The following HEPH variants were observed in gnomAD, a reference collection of about 807,000 sequenced individuals.
The protein encoded by HEPH is hephaestin.
HEPH carries 69 observed loss-of-function variants against 80.8 expected under a neutral mutation model. That is an observed-to-expected ratio of 0.85 (90% confidence interval 0.70 to 1.04). The LOEUF (loss-of-function observed/expected upper bound fraction) is 1.04. Among genes scored for constraint, HEPH ranks in the 50% least tolerant of loss-of-function variants. HEPH has a pLI of 0.00. For synonymous variants in HEPH, 431 were observed against 322.8 expected, an observed-to-expected ratio of 1.34 and a Z score of -3.60; for missense variants, 1,115 against 891.3, an observed-to-expected ratio of 1.25 and a Z score of -3.20.
Position 66,260,257 on chromosome X carries a change from G to A in HEPH, c.3194G>A (p.Arg1065Gln), listed in dbSNP as rs187860440. The A allele has an allele frequency of 1.7e-4, 202 of 1,199,817 alleles. No homozygotes were observed. The highest frequency in any genetic ancestry group is 2.2e-4 in the Non-Finnish European group (199 of 887,581). ...GMETLFTVFS[R>Q]TEHLSPLTVI... ...GAGACCCTCTTCACTGTTTTTTCTC[G>A]AACAGGTAAGTCCTAACTTCCCCAA... Residue 1065 changes from arginine (R) to glutamine (Q), a missense_variant, in exon 19 of 21, where the codon CGA (arginine) becomes CAA (glutamine). This residue lies in a region of HEPH where 716 missense variants were observed against 523.5 expected (regional missense o/e 1.37). Transcript: ENST00000343002.
At position 66,174,498 on chromosome X, in the gene HEPH, T is replaced by C. The variant is rs183879923; in HGVS notation, c.625+697T>C. Among the ~76,000 whole-genome samples, 8 of 112,090 alleles carry C rather than the reference T, an allele frequency of 7.1e-5. No individual in the cohort carries two copies. In the East Asian group the frequency reaches 2.2e-3, roughly 31 times the overall value. ...ATGTGCAAGTATCTTTTTTGTATAA[T>C]GACTTCTTTTCCTCTGGGTAGATGC... On this transcript the variant is annotated intron_variant, in intron 4 of 20. Coordinates refer to ENST00000343002, the MANE Select transcript of HEPH (RefSeq NM_001367233.3).
intron 11 of HEPH, among the ~76,000 whole-genome samples, chrX:66,199,411 G>A (rs1376471380): frequency 9.2e-6 from 1 of 108,484 alleles, no homozygotes; most frequent in African/African-American, 3.4e-5. Context: ...TTGTGAACAT[G>A]CTGATTTCAT....
Position 66,180,511 on chromosome X carries a change from C to T in HEPH, c.625+6710C>T, listed in dbSNP as rs146143079. Among the ~76,000 whole-genome samples, 752 of 110,336 alleles carry T rather than the reference C, an allele frequency of 6.8e-3. 6 individuals are homozygous for T. Among genetic ancestry groups the T allele is most frequent in the Middle Eastern group, 0.014 (3 of 214 alleles). On this transcript the variant is annotated intron_variant, in intron 4 of 20. Transcript: ENST00000343002. ...TGATAGGTTTTCCTTTATAGGTGAC[C>T]TGGTGTTTTTGTCTCACAGCTCTTA...
Position 66,265,359 on chromosome X carries a change from A to C in HEPH, c.3245-1081A>C, listed in dbSNP as rs374711753. The stretch of plus-strand genomic sequence containing the variant: ...GTGTGCTGTACAAAAAGGGCAAGCA[A>C]TAATAACAGTTAACATGTATTGGGT... On this transcript the variant is annotated intron_variant, in intron 20 of 20. Transcript: ENST00000343002. 1.4e-4 allele frequency among the ~76,000 whole-genome samples: 15 copies of C among 111,099 alleles called. No homozygotes were observed. In the South Asian group the frequency reaches 5.4e-3, roughly 40 times the overall value.
intron 19 of HEPH, among the ~76,000 whole-genome samples, chrX:66,261,300 C>CT (rs895880381): frequency 8.9e-6 from 1 of 111,849 alleles, no homozygotes; most frequent in Admixed American, 9.5e-5. Flanking sequence ...GTGGAAACAA[C>CT]TTTTTCTTTA....
intron 15 of HEPH, among the ~76,000 whole-genome samples, chrX:66,233,309 C>A (rs2090231283): frequency 9.0e-6 from 1 of 111,599 alleles, no homozygotes; most frequent in African/African-American, 3.3e-5. Context: ...GCATCCATCA[C>A]TGCCTTACCA....
Position 66,263,640 on chromosome X carries a change from C to T in HEPH, c.3200-4C>T. ...AACCTCTTGTCTTTTTTCCCCCCAACCAGAACACTTAAGCCCTCTCACCGT... is the reference window on the plus strand; with the variant it reads ...AACCTCTTGTCTTTTTTCCCCCCAATCAGAACACTTAAGCCCTCTCACCGT... On this transcript the variant is annotated splice_polypyrimidine_tract_variant and splice_region_variant and intron_variant, in intron 19 of 20. Coordinates refer to ENST00000343002, the MANE Select transcript of HEPH (RefSeq NM_001367233.3). 1.7e-6 allele frequency: 2 copies of T among 1,209,896 alleles called. No homozygotes were observed. The highest frequency in any genetic ancestry group is 1.8e-5 in the South Asian group (1 of 56,870).
intron 6 of HEPH, 53 bp from the exon 7 acceptor site, chrX:66,192,077 G>T (rs1306719298): frequency 1.8e-6 from 2 of 1,124,660 alleles, no homozygotes; most frequent in African/African-American, 3.6e-5. Flanking sequence ...TGAGTCCTCT[G>T]GGTTAAAATC....
At chrX:66,223,493 C>T (rs140146292) in intron 15 of HEPH, among the ~76,000 whole-genome samples, 4,220 of 111,042 alleles carry the variant, frequency 0.038, 92 homozygotes, top group Middle Eastern at 0.085. Context: ...ACTTTGTATA[C>T]GTATTTATTC....
rs2087586184 is a variant in HEPH, at chrX:66,188,225, G to T, written c.626-134G>T. 6 of 482,848 alleles carry T rather than the reference G, an allele frequency of 1.2e-5. No homozygotes were observed. In the Admixed American group the frequency reaches 1.3e-4, roughly 10 times the overall value. 39.8% of individuals were successfully genotyped at this position (482,848 alleles called of 1,213,427 possible). The stretch of plus-strand genomic sequence containing the variant: ...TGGAAATGGAAATTAATCTAAGAGG[G>T]TTATTTCTGCTTTTCTGTTGCTTAC... On this transcript the variant is annotated intron_variant, in intron 4 of 20. Coordinates refer to ENST00000343002, the MANE Select transcript of HEPH (RefSeq NM_001367233.3).
intron 15 of HEPH, among the ~76,000 whole-genome samples, chrX:66,227,570 G>A (rs948514364): frequency 8.9e-6 from 1 of 112,063 alleles, no homozygotes; most frequent in East Asian, 2.8e-4. Flanking sequence ...AATGAATTCA[G>A]CAAAGTTTCA....
At chrX:66,220,999 CT>C (rs2089621428) in intron 15 of HEPH, among the ~76,000 whole-genome samples, 1 of 111,714 alleles carries the variant, frequency 9.0e-6, no homozygotes, top group Non-Finnish European at 1.9e-5. Context: ...GATGTATACA[CT>C]GGGAACAGTC....
intron 15 of HEPH, among the ~76,000 whole-genome samples, chrX:66,244,685 G>T (rs760578362): frequency 1.8e-5 from 2 of 111,310 alleles, no homozygotes. Flanking sequence ...TAAGAACCAT[G>T]GCTGGATAAC....
chrX:66,235,224 G>T (rs751366797), intron 15 of HEPH, among the ~76,000 whole-genome samples: 10 of 111,577 alleles, frequency 9.0e-5, no homozygotes, highest in African/African-American at 3.2e-4. Context: ...GTCAATTTTT[G>T]CTTTTGTTGC....
intron 15 of HEPH, among the ~76,000 whole-genome samples, chrX:66,217,671 C>A (rs964686151): frequency 1.8e-5 from 2 of 111,311 alleles, no homozygotes; most frequent in Admixed American, 1.9e-4. Flanking sequence ...ATGAATAGAA[C>A]AATACCTTAC....
intron 4 of HEPH, among the ~76,000 whole-genome samples, chrX:66,175,749 A>ATGTATGTG (rs1002979623): frequency 2.7e-5 from 3 of 110,542 alleles, no homozygotes; most frequent in African/African-American, 9.9e-5. Flanking sequence ...ATTCCTAAGT[A>ATGTATGTG]TGTATGTATG....
chrX:66,224,933 C>T (rs996460838), intron 15 of HEPH, among the ~76,000 whole-genome samples: 1 of 108,847 alleles, frequency 9.2e-6, no homozygotes, highest in African/African-American at 3.3e-5. Flanking sequence ...CTCTCTCTTT[C>T]TCTCTCTCTC....
At position 66,189,793 on chromosome X, in the gene HEPH, A is replaced by T. The variant is rs1228015164; in HGVS notation, c.918A>T (p.Ala306=). 8.3e-7 allele frequency: 1 copy of T among 1,211,084 alleles called. No individual in the cohort carries two copies. Among genetic ancestry groups the T allele is most frequent in the South Asian group, 1.8e-5 (1 of 56,940 alleles). The change falls in exon 6 of 21, where the codon GCA becomes GCT. Residue 306 remains alanine, a synonymous_variant. Transcript: ENST00000343002. ...GMGNEIDVHT[A]FFHGQMLTTR... ...GCAATGAAATTGATGTCCACACAGC[A>T]TTTTTCCATGGACAGATGCTGACTA...
At chrX:66,190,955 C>T (rs1383237063) in intron 6 of HEPH, among the ~76,000 whole-genome samples, 2 of 111,867 alleles carry the variant, frequency 1.8e-5, no homozygotes, top group African/African-American at 6.5e-5. Flanking sequence ...CTCGTTCCAT[C>T]ACTTGTTTAG....
Sources: gnomAD v4.1 joint callset for allele counts (sites outside exome capture counted in the v4.1 genomes callset) on GRCh38, gnomAD v4.1.1 for gene constraint, gnomAD v4.1.1 regional missense constraint, MANE v1.5 for transcripts, NCBI Gene and HGNC (gene_info 2026-07-23, HGNC 2026-07-21) for gene names.